Variants in FHIP2B observed in about 807,000 individuals in gnomAD.
FHIP2B encodes the protein FHF complex subunit HOOK-interacting protein 2B.
Under a neutral mutation model 84.0 loss-of-function variants are expected in FHIP2B, and 72 were observed. The ratio of observed to expected loss-of-function variants is 0.86; its 90% CI spans 0.71 to 1.04. The LOEUF (loss-of-function observed/expected upper bound fraction) is 1.04, where lower values mean the gene tolerates loss of function less well. FHIP2B is among the 50% of genes least tolerant of loss of function. FHIP2B has a pLI of 0.00. For missense variants in FHIP2B, 972 were observed against 968.9 expected, an observed-to-expected ratio of 1.00 and a Z score of -0.04; for synonymous variants, 497 against 418.7, an observed-to-expected ratio of 1.19 and a Z score of -2.28.
intron 13 of FHIP2B, 69 bp from the exon 14 acceptor site, chr8:22,101,639 C>T: frequency 6.4e-7 from 1 of 1,560,392 alleles, no homozygotes; most frequent in South Asian, 1.2e-5. Context: ...CCCATCCCTC[C>T]TGCGTGGGGC....
chr8:22,103,113 A>G lies in FHIP2B; in HGVS notation c.*182A>G, dbSNP rs1826219541. The G allele has an allele frequency of 2.5e-6, 2 of 810,280 alleles. No homozygotes were observed. The highest frequency in any genetic ancestry group is 3.8e-6 in the Non-Finnish European group (2 of 529,784). The allele number at this position is 810,280 out of a possible 1,614,324, so 50.2% of individuals were successfully genotyped here. A position where few individuals can be genotyped will look rare whatever the true frequency, so the allele number is the denominator to read the frequency against. ...CAGGGAATGGGCATGCCAGGTGCCA[A>G]GGAGCCAAACAGATGGCTTTCCAGG... On this transcript the variant is annotated 3_prime_UTR_variant, in exon 17 of 17. Coordinates refer to ENST00000289921, the MANE Select transcript of FHIP2B (RefSeq NM_022749.7).
Position 22,104,557 on chromosome 8 carries a change from C to CG in FHIP2B, c.*1626_*1627insG, listed in dbSNP as rs1205260448. 3.9e-5 allele frequency: 6 copies of CG among 152,164 alleles called. No individual in the cohort carries two copies. Among genetic ancestry groups the CG allele is most frequent in the Non-Finnish European group, 7.3e-5 (5 of 68,038 alleles). The allele number at this position is 152,164 out of a possible 1,614,324, so 9.4% of individuals were successfully genotyped here. The stretch of plus-strand genomic sequence containing the variant: ...AGTGCAGATCTGCTGATCCTCAGCG[C>CG]CTGCCAGGAGCCAGACTCTTGGCGG... On this transcript the variant is annotated 3_prime_UTR_variant, in exon 17 of 17. Coordinates refer to ENST00000289921, the MANE Select transcript of FHIP2B (RefSeq NM_022749.7).
rs747586430 is a variant in FHIP2B at position 22,098,963 on chromosome 8, G to T, written c.981G>T (p.Pro327=). 1 of 1,605,764 alleles carries T rather than the reference G, an allele frequency of 6.2e-7. No individual in the cohort carries two copies. Among genetic ancestry groups the T allele is most frequent in the Non-Finnish European group, 8.5e-7 (1 of 1,175,844 alleles). Residue 327 remains proline (P), a synonymous_variant, in exon 8 of 17, where the codon CCG becomes CCT. Transcript: ENST00000289921. The part of the protein sequence containing the change: ...EGISWRLPSA[P]SDEASFPGKE... ...CTTCCTTCAGGTTACCCAGTGCCCCGTCTGATGAGGCTTCCTTCCCTGGCA... is the reference window on the plus strand; with the variant it reads ...CTTCCTTCAGGTTACCCAGTGCCCCTTCTGATGAGGCTTCCTTCCCTGGCA...
At position 22,097,433 on chromosome 8, in the gene FHIP2B, G is replaced by A. The variant is rs918568670; in HGVS notation, c.298-83G>A. The A allele has an allele frequency of 5.3e-6, 6 of 1,126,134 alleles. No individual in the cohort carries two copies. The East Asian group carries it at 7.9e-5, about 15-fold the overall frequency. 69.8% of individuals were successfully genotyped at this position (1,126,134 alleles called of 1,614,324 possible). ...GGCAGGGGACACGGCTCTGACAGGC[G>A]CTCTGTCCCTGGCCTCAGTACCCGC... On this transcript the variant is annotated intron_variant, in intron 3 of 16. Transcript: ENST00000289921.
intron 1 of FHIP2B, among the ~76,000 whole-genome samples, chr8:22,089,532 T>A (rs1390803710): frequency 6.6e-6 from 1 of 151,680 alleles, no homozygotes; most frequent in Non-Finnish European, 1.5e-5. Context: ...CCCGGCCTGC[T>A]CCCGCGTCGC....
intron 7 of FHIP2B, 41 bp from the exon 8 acceptor site, chr8:22,098,907 C>G: frequency 6.6e-7 from 1 of 1,508,908 alleles, no homozygotes. Flanking sequence ...CCTTGAAGCT[C>G]CTTCTCCACT....
At chr8:22,099,444 G>C in intron 9 of FHIP2B, 84 bp downstream of exon 9, 1 of 1,412,634 alleles carries the variant, frequency 7.1e-7, no homozygotes, top group Non-Finnish European at 9.7e-7. Context: ...CCTAAGGCCA[G>C]ACACCTTCTT....
rs893209373 is a variant in FHIP2B, at chr8:22,104,861, TGTTCTCAGG to T, written c.*1932_*1940del. The T allele has an allele frequency of 7.0e-6, 1 of 143,144 alleles. No homozygotes were observed. Among genetic ancestry groups the T allele is most frequent in the Non-Finnish European group, 1.5e-5 (1 of 65,986 alleles). 8.9% of individuals were successfully genotyped at this position (143,144 alleles called of 1,614,324 possible). On this transcript the variant is annotated 3_prime_UTR_variant, in exon 17 of 17. Coordinates refer to ENST00000289921, the MANE Select transcript of FHIP2B (RefSeq NM_022749.7). ...AAAAAAAAAAAAAATTTCACAGGTG[TGTTCTCAGG>T]GAAAAAGAAAAGTTAACACATAAAT...
intron 1 of FHIP2B, chr8:22,089,893 G>A: frequency 8.1e-7 from 1 of 1,231,786 alleles, no homozygotes; most frequent in Non-Finnish European, 1.1e-6. Context: ...CCCAGCCGGG[G>A]AAATCGCCTT....
chr8:22,095,475 A>C (rs1271297237), intron 2 of FHIP2B: 1 of 131,654 alleles, frequency 7.6e-6, no homozygotes, highest in Non-Finnish European at 1.6e-5. Context: ...CTGGGGGGGA[A>C]AAGCGCACCC....
At chr8:22,090,918 A>G (rs977681516) in intron 1 of FHIP2B, among the ~76,000 whole-genome samples, 2 of 152,142 alleles carry the variant, frequency 1.3e-5, no homozygotes. Context: ...GCACCCGGCT[A>G]GGAGTCAAAT....
Position 22,099,048 on chromosome 8 carries a change from G to T in FHIP2B, c.1066G>T (p.Ala356Ser). The change falls in exon 8 of 17, where the codon GCA becomes TCA. Residue 356 changes from alanine to serine, a missense_variant. Physicochemically the swap from Ala to Ser is moderately conservative, Grantham distance 99. Coordinates refer to ENST00000289921, the MANE Select transcript of FHIP2B (RefSeq NM_022749.7). ...FDYCDHLITE[A>S]HTVVADALAK... Reference sequence around the variant, plus strand: ...TTACTGCGACCACCTCATCACAGAGGCACACACGGTGAGCAGGGGCGGGCG... The same window carrying T: ...TTACTGCGACCACCTCATCACAGAGTCACACACGGTGAGCAGGGGCGGGCG... 6.2e-7 allele frequency: 1 copy of T among 1,600,764 alleles called. No individual in the cohort carries two copies. The highest frequency in any genetic ancestry group is 8.5e-7 in the Non-Finnish European group (1 of 1,173,188).
At chr8:22,101,621 G>T in intron 13 of FHIP2B, 87 bp from the exon 14 acceptor site, 3 of 1,557,448 alleles carry the variant, frequency 1.9e-6, no homozygotes, top group Non-Finnish European at 2.6e-6. Flanking sequence ...TCTGCCCAAG[G>T]ACCCCAGCCC....
intron 12 of FHIP2B, 93 bp from the exon 13 acceptor site, chr8:22,101,347 C>T (rs1370113335): frequency 6.4e-6 from 7 of 1,093,118 alleles, no homozygotes; most frequent in South Asian, 5.6e-5. Context: ...TGGCCACAGC[C>T]CTGGGGTCCA....
At chr8:22,094,797 C>G in intron 2 of FHIP2B, 1 of 1,251,058 alleles carries the variant, frequency 8.0e-7, no homozygotes, top group Non-Finnish European at 1.0e-6. Context: ...CCTGACTCTG[C>G]AAGGAAGAGG....
rs746497348 is a variant in FHIP2B, at chr8:22,098,542, C to T, written c.888C>T (p.His296=). The change falls in exon 7 of 17, where the codon CAC becomes CAT. Residue 296 remains histidine, a synonymous_variant. Transcript: ENST00000289921. ...SSACCPAIVR[H]LCQLYRSMPV... The stretch of plus-strand genomic sequence containing the variant: ...CCTGCTGCCCTGCGATCGTCCGGCA[C>T]CTTTGCCAGTTGTACCGGTCCATGC... 1.7e-5 allele frequency: 28 copies of T among 1,612,492 alleles called. No homozygotes were observed. In the South Asian group the frequency reaches 3.0e-4, roughly 17 times the overall value.
chr8:22,102,297 A>G lies in FHIP2B; in HGVS notation c.1974A>G (p.Leu658=). 2 of 1,608,152 alleles carry G rather than the reference A, an allele frequency of 1.2e-6. No homozygotes were observed. The highest frequency in any genetic ancestry group is 1.7e-6 in the Non-Finnish European group (2 of 1,177,438). ...YISLAPGCRS[L]FSVLVRVIGD... ...GCCTGGCCCCCGGCTGCAGGAGCCT[A>G]TTCTCCGTGTTGGTGAGGGTGAGGA... Residue 658 remains leucine, a synonymous_variant, in exon 15 of 17, where the codon CTA becomes CTG. Transcript: ENST00000289921.
rs769370565 is a variant in FHIP2B at position 22,101,431 on chromosome 8, A to C, written c.1617-9A>C. On this transcript the variant is annotated splice_polypyrimidine_tract_variant and intron_variant, in intron 12 of 16. Coordinates refer to ENST00000289921, the MANE Select transcript of FHIP2B (RefSeq NM_022749.7). ...CGGGAGCGCCTCCACACCGGCTTCT[A>C]TCTCTCAGTTTCCTGTGCCTGGTCC... is the stretch of plus-strand genomic sequence containing the variant. The C allele has an allele frequency of 5.0e-6, 8 of 1,603,158 alleles. No homozygotes were observed. The highest frequency in any genetic ancestry group is 6.8e-6 in the Non-Finnish European group (8 of 1,174,406).
At position 22,100,596 on chromosome 8, in the gene FHIP2B, C is replaced by G; in HGVS notation, c.1344C>G (p.Ile448Met). Residue 448 changes from isoleucine to methionine, a missense_variant and splice_region_variant, in exon 11 of 17, where the codon ATC becomes ATG. By Grantham distance (10) the Ile-to-Met change is conservative. Coordinates refer to ENST00000289921, the MANE Select transcript of FHIP2B (RefSeq NM_022749.7). ...IGHCDHLSDE[I>M]SITTLRLFEE... ...TGCCGACCCCCTTCCTGCTCCAGAT[C>G]AGCATCACCACACTCCGGCTGTTTG... The G allele has an allele frequency of 6.5e-7, 1 of 1,544,502 alleles. No individual in the cohort carries two copies. The highest frequency in any genetic ancestry group is 8.7e-7 in the Non-Finnish European group (1 of 1,146,000).
Sources: gnomAD v4.1 joint callset for allele counts (sites outside exome capture counted in the v4.1 genomes callset) on GRCh38, gnomAD v4.1.1 for gene constraint, MANE v1.5 for transcripts, NCBI Gene and HGNC (gene_info 2026-07-23, HGNC 2026-07-21) for gene names.